Variants in KIF17 observed in about 807,000 individuals in gnomAD.
KIF17 encodes the protein kinesin family member 17.
KIF17 carries 80 observed loss-of-function variants against 96.8 expected under a neutral mutation model. The ratio of observed to expected loss-of-function variants is 0.83; its 90% CI spans 0.69 to 1.00. The LOEUF is 1.00. KIF17 is among the 50% of genes least tolerant of loss of function. The pLI is 0.00. For missense variants in KIF17, 1,280 were observed against 1,372.9 expected (o/e 0.93, Z 1.07); for synonymous variants, 567 against 587.5 (o/e 0.97, Z 0.51).
intron 8 of KIF17, among the ~76,000 whole-genome samples, chr1:20,686,823 A>T (rs1465457852): frequency 6.6e-6 from 1 of 152,204 alleles, no homozygotes; most frequent in African/African-American, 2.4e-5. Flanking sequence ...GGTCTCCCAA[A>T]GTTCTGGGAT....
chr1:20,704,746 GA>G lies in KIF17; in HGVS notation c.823del (p.Ser275ArgfsTer18). 1 of 1,612,644 alleles carries G rather than the reference GA, an allele frequency of 6.2e-7. No individual in the cohort carries two copies. Among genetic ancestry groups the G allele is most frequent in the African/African-American group, 1.3e-5 (1 of 75,046 alleles). On this transcript the variant is annotated frameshift_variant, in exon 5 of 15. Transcript: ENST00000400463. LOFTEE classifies it high-confidence loss of function. The surrounding 1 kb of genome is among the most constrained non-coding windows in gnomAD (Gnocchi z 6.8). ...LSLSALGNVI[S>X]ALVDGRCKHV... ...CTTACAGCGCCCGTCCACCAGCGCC[GA>G]GATGACATTGCCCAGTGCCGAGAGC...
At chr1:20,712,619 A>ATTATC (rs1557606403) in intron 3 of KIF17, among the ~76,000 whole-genome samples, 4 of 48,766 alleles carry the variant, frequency 8.2e-5, no homozygotes, top group African/African-American at 2.2e-4. Flanking sequence ...TATATATAAT[A>ATTATC]TAGATAATAT....
rs1223323210 is a variant in KIF17, at chr1:20,667,746, G to A, written c.2791-1415C>T. On this transcript the variant is annotated intron_variant, in intron 13 of 14. Transcript: ENST00000400463. ...ACATAGGCCAGGAGCAGTGGCTCAC[G>A]CCTGTAATCCCAGCACTTTGGGAGG... 5.3e-5 allele frequency among the ~76,000 whole-genome samples: 8 copies of A among 152,222 alleles called. 1 individual carries two copies. Among genetic ancestry groups the A allele is most frequent in the African/African-American group, 1.7e-4 (7 of 41,450 alleles).
At chr1:20,671,085 C>A (rs2053640016) in intron 12 of KIF17, among the ~76,000 whole-genome samples, 1 of 152,158 alleles carries the variant, frequency 6.6e-6, no homozygotes, top group Non-Finnish European at 1.5e-5. Flanking sequence ...TGGAACCAGG[C>A]CTGAAACTCT....
Position 20,698,383 on chromosome 1 carries a change from C to A in KIF17, c.1229G>T (p.Arg410Leu). 6.2e-7 allele frequency: 1 copy of A among 1,612,582 alleles called. No homozygotes were observed. The highest frequency in any genetic ancestry group is 8.5e-7 in the Non-Finnish European group (1 of 1,178,876). The change falls in exon 6 of 15, where the codon CGG (arginine) becomes CTG (leucine). Residue 410 changes from arginine (R) to leucine (L), a missense_variant. By Grantham distance (102) the Arg-to-Leu change is moderately radical. Transcript: ENST00000400463. Reference protein sequence around the residue: ...HDVEAEKQLIREEYEERLARL... With the variant: ...HDVEAEKQLILEEYEERLARL... ...TCCCACCCGCTTGGGTCTCACCTCC[C>A]GGATCAGCTGCTTCTCGGCCTCCAC...
At chr1:20,679,868 C>T (rs2053800673) in intron 11 of KIF17, among the ~76,000 whole-genome samples, 1 of 152,198 alleles carries the variant, frequency 6.6e-6, no homozygotes. Context: ...GCAGAGAAGC[C>T]AGCCCCACTG....
At chr1:20,717,393 T>G (rs1290374501) in intron 1 of KIF17, 83 bp downstream of exon 1, 28 of 1,503,442 alleles carry the variant, frequency 1.9e-5, no homozygotes, top group Non-Finnish European at 2.3e-5. Flanking sequence ...TCCTCCTGGC[T>G]GGGGGGCAGC....
chr1:20,715,949 T>G (rs965913271), intron 1 of KIF17, among the ~76,000 whole-genome samples: 1 of 152,112 alleles, frequency 6.6e-6, no homozygotes, highest in African/African-American at 2.4e-5. Flanking sequence ...GATAAGATGA[T>G]AAGAAAAACA....
At chr1:20,717,435 A>G in intron 1 of KIF17, 41 bp downstream of exon 1, 1 of 1,604,392 alleles carries the variant, frequency 6.2e-7, no homozygotes, top group Non-Finnish European at 8.5e-7. Flanking sequence ...GGGCGGCCTC[A>G]TGCCCTGCCG....
rs143252311 is a variant in KIF17, at chr1:20,685,502, G to T, written c.2020-482C>A. Among the ~76,000 whole-genome samples, 1 of 151,736 alleles carries T rather than the reference G, an allele frequency of 6.6e-6. No individual in the cohort carries two copies. Among genetic ancestry groups the T allele is most frequent in the African/African-American group, 2.4e-5 (1 of 41,342 alleles). On this transcript the variant is annotated intron_variant, in intron 9 of 14. Transcript: ENST00000400463. The surrounding 1 kb of genome is among the most constrained non-coding windows in gnomAD (Gnocchi z 4.1). ...TCCCCTCTGCTTGCTGCTTCCCCCCGTCCCTCCTTCACGCCTGGGTCCCAC... is the reference window on the plus strand; with the variant it reads ...TCCCCTCTGCTTGCTGCTTCCCCCCTTCCCTCCTTCACGCCTGGGTCCCAC...
At chr1:20,670,080 AC>A (rs1430123397) in intron 13 of KIF17, among the ~76,000 whole-genome samples, 10 of 151,436 alleles carry the variant, frequency 6.6e-5, no homozygotes, top group African/African-American at 2.4e-4. Context: ...CCCTGTGAGG[AC>A]CCTCTTGGTC....
intron 3 of KIF17, among the ~76,000 whole-genome samples, chr1:20,712,725 T>TAATATAGATA (rs2054478937): frequency 6.2e-4 from 9 of 14,588 alleles, no homozygotes; most frequent in East Asian, 2.2e-3. Flanking sequence ...AAAATTATAT[T>TAATATAGATA]ATATCTATAT....
chr1:20,704,172 G>C lies in KIF17; in HGVS notation c.1123+275C>G, dbSNP rs1432370026. The stretch of plus-strand genomic sequence containing the variant: ...GTGGTGGGGGGTGTGGTGGGGGTGG[G>C]GGGGATAATGGATGAGCAGATGAGA... On this transcript the variant is annotated intron_variant, in intron 5 of 14. Transcript: ENST00000400463. This position sits in a 1 kb window ranked among gnomAD's most constrained non-coding sequence, Gnocchi z 6.8. Among the ~76,000 whole-genome samples the C allele has an allele frequency of 2.6e-5, 4 of 151,240 alleles. No homozygotes were observed. The highest frequency in any genetic ancestry group is 5.9e-5 in the Non-Finnish European group (4 of 67,768).
chr1:20,662,625 A>G (rs1265776514), downstream of KIF17, among the ~76,000 whole-genome samples: 1 of 152,138 alleles, frequency 6.6e-6, no homozygotes, highest in Non-Finnish European at 1.5e-5. Flanking sequence ...CAGAGCCAAC[A>G]GTGTTAAACT....
In KIF17 at chr1:20,685,093, C is replaced by T; in HGVS notation, c.2020-73G>A. 5.7e-6 allele frequency: 7 copies of T among 1,231,038 alleles called. No homozygotes were observed. The highest frequency in any genetic ancestry group is 8.2e-6 in the Non-Finnish European group (7 of 855,266). The allele number at this position is 1,231,038 out of a possible 1,614,324, so 76.3% of individuals were successfully genotyped here. On this transcript the variant is annotated intron_variant, in intron 9 of 14. Transcript: ENST00000400463. This position sits in a 1 kb window ranked among gnomAD's most constrained non-coding sequence, Gnocchi z 4.1. ...CCCCGCCGACAGCTCCCAGGTGGCT[C>T]AATCCCAGACGGGGCCATTCCGCCT... is the stretch of plus-strand genomic sequence containing the variant.
At chr1:20,669,669 C>T (rs570015978) in intron 13 of KIF17, among the ~76,000 whole-genome samples, 1 of 149,476 alleles carries the variant, frequency 6.7e-6, no homozygotes, top group Non-Finnish European at 1.5e-5. Flanking sequence ...GTCAAGAGAT[C>T]GAGACCATCC....
At position 20,709,219 on chromosome 1, in the gene KIF17, C is replaced by T. The variant is rs1246784123; in HGVS notation, c.670+420G>A. 6.6e-6 allele frequency among the ~76,000 whole-genome samples: 1 copy of T among 151,988 alleles called. No individual in the cohort carries two copies. Among genetic ancestry groups the T allele is most frequent in the African/African-American group, 2.4e-5 (1 of 41,362 alleles). On this transcript the variant is annotated intron_variant, in intron 4 of 14. Transcript: ENST00000400463. The surrounding 1 kb of genome is among the most constrained non-coding windows in gnomAD (Gnocchi z 4.7). ...CAACCTGGGCAACACAGCAAGACCC[C>T]GTCTCTACAAAAAATTAGCCAGGCA...
chr1:20,691,802 A>G (rs1317002865), intron 6 of KIF17, among the ~76,000 whole-genome samples: 1 of 152,102 alleles, frequency 6.6e-6, no homozygotes, highest in Non-Finnish European at 1.5e-5. Flanking sequence ...CGAATAATAT[A>G]TGCATTTGTT....
rs144666969 is a variant in KIF17, at chr1:20,706,700, A to C, written c.671-1801T>G. 2.9e-3 allele frequency among the ~76,000 whole-genome samples: 443 copies of C among 150,890 alleles called. 3 individuals are homozygous for C. Among genetic ancestry groups the C allele is most frequent in the Admixed American group, 7.6e-3 (116 of 15,180 alleles). ...CAGGAGTTCGAGACCAGCCTGGAAA[A>C]CATGGCAAAACCCCGTCTCTACAAA... On this transcript the variant is annotated intron_variant, in intron 4 of 14. Coordinates refer to ENST00000400463, the MANE Select transcript of KIF17 (RefSeq NM_001122819.3).
Sources: allele counts gnomAD v4.1 joint callset (sites outside exome capture counted in the v4.1 genomes callset), GRCh38; gene constraint gnomAD v4.1.1; non-coding constraint Gnocchi (gnomAD v3.1); transcripts MANE v1.5; gene names NCBI Gene and HGNC (gene_info 2026-07-23, HGNC 2026-07-21).